Variants in HHAT observed in about 807,000 individuals in gnomAD.
HHAT encodes the protein protein-cysteine N-palmitoyltransferase HHAT.
In HHAT, 47 loss-of-function variants were observed where a neutral mutation model predicts 70.8. The ratio of observed to expected loss-of-function variants is 0.66; its 90% CI spans 0.53 to 0.85. The LOEUF (loss-of-function observed/expected upper bound fraction) is 0.85, where lower values mean the gene tolerates loss of function less well. HHAT is among the 40% of genes least tolerant of loss of function. The pLI, the probability that HHAT is intolerant of heterozygous loss-of-function variation, is 0.00. For synonymous variants in HHAT, 228 were observed against 247.6 expected, an observed-to-expected ratio of 0.92 and a Z score of 0.74; for missense variants, 609 against 604.8, an observed-to-expected ratio of 1.01 and a Z score of -0.07.
chr1:210,334,177 C>CTTTTTTTTTTTTTTTTTTTTT (rs1342123521), intron 1 of HHAT, among the ~76,000 whole-genome samples: 5 of 34,544 alleles, frequency 1.4e-4, no homozygotes, highest in South Asian at 1.1e-3. Flanking sequence ...TTTAGCGTGT[C>CTTTTTTTTTTTTTTTTTTTTT]ATTTTTTTTT....
intron 10 of HHAT, among the ~76,000 whole-genome samples, chr1:210,619,131 C>T (rs747940618): frequency 1.3e-4 from 20 of 152,136 alleles, no homozygotes; most frequent in Non-Finnish European, 1.9e-4. Context: ...AAGTCTAGCA[C>T]CTGCCCTTGC....
At chr1:210,571,329 G>T (rs781437844) in intron 9 of HHAT, among the ~76,000 whole-genome samples, 2 of 152,192 alleles carry the variant, frequency 1.3e-5, no homozygotes, top group Non-Finnish European at 2.9e-5. Context: ...GCATGCGGGC[G>T]CTTGGAGGGC....
intron 7 of HHAT, among the ~76,000 whole-genome samples, chr1:210,437,129 G>A (rs759950773): frequency 2.3e-4 from 35 of 151,836 alleles, no homozygotes; most frequent in Non-Finnish European, 4.4e-4. Flanking sequence ...CTGGCTCAGA[G>A]CACATTCTGT....
intron 9 of HHAT, among the ~76,000 whole-genome samples, chr1:210,540,492 C>T (rs1001841656): frequency 3.5e-4 from 49 of 139,370 alleles, no homozygotes; most frequent in African/African-American, 1.1e-3. Flanking sequence ...CACACACACG[C>T]ACACACACAT....
At chr1:210,390,927 T>A (rs114816125) in intron 4 of HHAT, among the ~76,000 whole-genome samples, 2,937 of 152,368 alleles carry the variant, frequency 0.019, 87 homozygotes, top group African/African-American at 0.065. Context: ...TGGTTTCATA[T>A]CTTTGCAATT....
rs2093867885 is a variant in HHAT at position 210,456,344 on chromosome 1, TACTC to T, written c.857-8160_857-8157del. 2.0e-5 allele frequency among the ~76,000 whole-genome samples: 3 copies of T among 152,330 alleles called. No individual in the cohort carries two copies. The South Asian group carries it at 6.2e-4, about 32-fold the overall frequency. ...CCTCTCTCCCTGGTTTGGTCTTACT[TACTC>T]TGAATACTCAGTCTTTGCATTTCCT... On this transcript the variant is annotated intron_variant, in intron 7 of 11. Coordinates refer to ENST00000261458, the MANE Select transcript of HHAT (RefSeq NM_018194.6).
chr1:210,543,473 G>A (rs1226448088), intron 9 of HHAT, among the ~76,000 whole-genome samples: 1 of 151,766 alleles, frequency 6.6e-6, no homozygotes, highest in African/African-American at 2.4e-5. Context: ...CCAGCATTCT[G>A]AGAGGCTGAG....
intron 3 of HHAT, among the ~76,000 whole-genome samples, chr1:210,372,208 G>A (rs1415426713): frequency 6.6e-6 from 1 of 152,150 alleles, no homozygotes; most frequent in African/African-American, 2.4e-5. Flanking sequence ...ATTTAACAAA[G>A]TGTTTTCCAT....
At position 210,541,902 on chromosome 1, in the gene HHAT, G is replaced by C. The variant is rs561873871; in HGVS notation, c.1043+28714G>C. On this transcript the variant is annotated intron_variant, in intron 9 of 11. Coordinates refer to ENST00000261458, the MANE Select transcript of HHAT (RefSeq NM_018194.6). ...AGTGCCCCAGGCCGACAATGTGAGT[G>C]TGGCCTCTCCCTTGGAGAATGTTTC... 2.6e-5 allele frequency among the ~76,000 whole-genome samples: 4 copies of C among 152,336 alleles called. No individual in the cohort carries two copies. In the East Asian group the frequency reaches 7.7e-4, roughly 29 times the overall value.
intron 8 of HHAT, among the ~76,000 whole-genome samples, chr1:210,465,457 T>A (rs1274634201): frequency 2.0e-5 from 3 of 152,190 alleles, no homozygotes; most frequent in Admixed American, 1.3e-4. Flanking sequence ...AACCTCAGGG[T>A]CAGCACTGGC....
At chr1:210,384,972 A>G (rs2090929739) in intron 3 of HHAT, among the ~76,000 whole-genome samples, 1 of 152,190 alleles carries the variant, frequency 6.6e-6, no homozygotes, top group Non-Finnish European at 1.5e-5. Flanking sequence ...CATGAGAGAG[A>G]CATTTTTATT....
At chr1:210,418,926 G>T (rs1417691744) in intron 7 of HHAT, among the ~76,000 whole-genome samples, 2 of 152,072 alleles carry the variant, frequency 1.3e-5, no homozygotes, top group Non-Finnish European at 2.9e-5. Flanking sequence ...CCAGCTACTC[G>T]AGAGGCTGAG....
chr1:210,402,694 C>G (rs558393196), intron 5 of HHAT, among the ~76,000 whole-genome samples: 19 of 152,254 alleles, frequency 1.2e-4, no homozygotes, highest in Non-Finnish European at 2.8e-4. Flanking sequence ...TCCTCTAACC[C>G]CCTAGGATCT....
At position 210,625,941 on chromosome 1, in the gene HHAT, G is replaced by A. The variant is rs182820215; in HGVS notation, c.1390+2271G>A. Among the ~76,000 whole-genome samples the A allele has an allele frequency of 1.6e-4, 25 of 152,344 alleles. No individual in the cohort carries two copies. In the East Asian group the frequency reaches 4.8e-3, roughly 29 times the overall value. ...CAACCCAAGTACAGGGCAGGGGTGT[G>A]TAGGGAAGCATGCAGATATCAGTGT... On this transcript the variant is annotated intron_variant, in intron 11 of 11. Transcript: ENST00000261458.
At chr1:210,582,402 C>T (rs1002666389) in intron 9 of HHAT, among the ~76,000 whole-genome samples, 9 of 151,950 alleles carry the variant, frequency 5.9e-5, no homozygotes, top group African/African-American at 1.7e-4. Flanking sequence ...TGCAGGAAAC[C>T]GTAGTAAAAG....
At chr1:210,662,840 ATGC>A (rs1349908356) in intron 11 of HHAT, among the ~76,000 whole-genome samples, 6 of 152,122 alleles carry the variant, frequency 3.9e-5, no homozygotes, top group African/African-American at 1.4e-4. Context: ...AGGATGAAAA[ATGC>A]AGTAGAAGTT....
intron 3 of HHAT, among the ~76,000 whole-genome samples, chr1:210,385,252 CTTTTTT>C (rs55887436): frequency 2.9e-5 from 4 of 138,896 alleles, no homozygotes; most frequent in Admixed American, 7.2e-5. Context: ...ATATGTTTTT[CTTTTTT>C]TTTTTTTTTC....
chr1:210,569,242 C>T lies in HHAT; in HGVS notation c.1044-18656C>T, dbSNP rs559763990. Reference sequence around the variant, plus strand: ...TACAAAAATTAGCCGGGTGCAGTGGCGGGCACCTGTAACCCCAGCGACTCG... The same window carrying T: ...TACAAAAATTAGCCGGGTGCAGTGGTGGGCACCTGTAACCCCAGCGACTCG... On this transcript the variant is annotated intron_variant, in intron 9 of 11. Coordinates refer to ENST00000261458, the MANE Select transcript of HHAT (RefSeq NM_018194.6). 4.5e-4 allele frequency among the ~76,000 whole-genome samples: 69 copies of T among 151,776 alleles called. No homozygotes were observed. The East Asian group carries it at 0.012, about 26-fold the overall frequency.
intron 9 of HHAT, among the ~76,000 whole-genome samples, chr1:210,563,962 T>G (rs767053410): frequency 7.9e-5 from 12 of 152,126 alleles, no homozygotes; most frequent in Non-Finnish European, 1.5e-4. Flanking sequence ...TTTGTTTGTT[T>G]GTTTGTTTTG....
Sources: allele counts gnomAD v4.1 joint callset (sites outside exome capture counted in the v4.1 genomes callset), GRCh38; gene constraint gnomAD v4.1.1; transcripts MANE v1.5; gene names NCBI Gene and HGNC (gene_info 2026-07-23, HGNC 2026-07-21).